GRID1: variants seen among roughly 807,000 people sequenced by gnomAD.
GRID1 encodes the protein glutamate ionotropic receptor delta type subunit 1.
GRID1 carries 28 observed loss-of-function variants against 98.0 expected under a neutral mutation model. The observed-to-expected ratio is 0.29, with a 90% confidence interval of 0.21 to 0.39. The LOEUF is 0.39. Ranked by LOEUF, GRID1 falls within the 10% of genes least tolerant of loss-of-function variation. The pLI is 1.00. For synonymous variants in GRID1, 553 were observed against 538.5 expected (o/e 1.03, Z -0.37); for missense variants, 1,111 against 1,340.5 (o/e 0.83, Z 2.67).
chr10:85,700,183 A>T (rs1459357453), intron 12 of GRID1, among the ~76,000 whole-genome samples: 1 of 152,206 alleles, frequency 6.6e-6, no homozygotes, highest in East Asian at 1.9e-4. Context: ...TGTGCCAGGT[A>T]ACTTTATAAA....
chr10:86,087,949 G>A (rs549901923), intron 4 of GRID1, among the ~76,000 whole-genome samples: 6 of 152,296 alleles, frequency 3.9e-5, no homozygotes, highest in African/African-American at 1.2e-4. Flanking sequence ...TGCAGAGCAC[G>A]TCCTACAGTC....
At chr10:86,073,550 C>T (rs562754452) in intron 4 of GRID1, among the ~76,000 whole-genome samples, 2 of 152,352 alleles carry the variant, frequency 1.3e-5, no homozygotes, top group South Asian at 4.1e-4. Flanking sequence ...TTTCTTGCCT[C>T]CTGCTGGAAT....
At chr10:86,076,424 C>G (rs1383478384) in intron 4 of GRID1, among the ~76,000 whole-genome samples, 1 of 152,228 alleles carries the variant, frequency 6.6e-6, no homozygotes, top group African/African-American at 2.4e-5. Flanking sequence ...AGCTGCTGCT[C>G]TCAGCAACAG....
At chr10:86,200,325 G>T (rs940882988) in intron 3 of GRID1, among the ~76,000 whole-genome samples, 1 of 152,176 alleles carries the variant, frequency 6.6e-6, no homozygotes, top group Admixed American at 6.5e-5. Context: ...CTTGCCATAG[G>T]CTGCACTGAA....
intron 8 of GRID1, among the ~76,000 whole-genome samples, chr10:85,732,480 C>T (rs1335138925): frequency 6.6e-6 from 1 of 152,136 alleles, no homozygotes; most frequent in African/African-American, 2.4e-5. Context: ...CAAGGCTTTA[C>T]CTGTCTTTCT....
intron 3 of GRID1, among the ~76,000 whole-genome samples, chr10:86,179,016 T>C (rs1845616726): frequency 1.3e-5 from 2 of 151,988 alleles, no homozygotes; most frequent in South Asian, 4.2e-4. Flanking sequence ...CCATCCCAGG[T>C]CCCAGCCTAG....
chr10:85,945,021 G>A (rs186879764), intron 4 of GRID1, among the ~76,000 whole-genome samples: 1 of 152,244 alleles, frequency 6.6e-6, no homozygotes, highest in Non-Finnish European at 1.5e-5. Context: ...AGAAATAAAG[G>A]TTAACTCATG....
chr10:85,681,681 C>T (rs1156293361), intron 12 of GRID1, among the ~76,000 whole-genome samples: 1 of 152,134 alleles, frequency 6.6e-6, no homozygotes, highest in Admixed American at 6.5e-5. Flanking sequence ...GTAATTATTC[C>T]CTCCACACCA....
intron 4 of GRID1, among the ~76,000 whole-genome samples, chr10:85,930,011 A>G (rs1841826908): frequency 6.6e-6 from 1 of 152,172 alleles, no homozygotes; most frequent in Non-Finnish European, 1.5e-5. Context: ...TATTGACTCC[A>G]TTATGGTTAT....
chr10:86,306,683 G>T (rs903731124), intron 2 of GRID1, among the ~76,000 whole-genome samples: 1 of 152,196 alleles, frequency 6.6e-6, no homozygotes, highest in Non-Finnish European at 1.5e-5. Flanking sequence ...GGGGGAAGAA[G>T]GAGGTCCAGC....
chr10:85,663,068 C>G (rs1037814886), intron 12 of GRID1, among the ~76,000 whole-genome samples: 1 of 152,156 alleles, frequency 6.6e-6, no homozygotes, highest in Admixed American at 6.5e-5. Context: ...TCTTGGGGAA[C>G]ACATCACTAC....
At chr10:86,095,747 C>G (rs974229457) in intron 4 of GRID1, among the ~76,000 whole-genome samples, 1 of 152,196 alleles carries the variant, frequency 6.6e-6, no homozygotes, top group Non-Finnish European at 1.5e-5. Context: ...ACAGGGAACA[C>G]TTCCACACTG....
chr10:86,189,325 G>A (rs539778419), intron 3 of GRID1, among the ~76,000 whole-genome samples: 1 of 151,856 alleles, frequency 6.6e-6, no homozygotes, highest in African/African-American at 2.4e-5. Flanking sequence ...CTAACTAGTC[G>A]GCTTCCAACT....
intron 4 of GRID1, among the ~76,000 whole-genome samples, chr10:86,113,786 T>G (rs1844528002): frequency 6.6e-6 from 1 of 152,104 alleles, no homozygotes; most frequent in East Asian, 1.9e-4. Context: ...CATGCATCTA[T>G]CTTCAGATAA....
At position 86,239,346 on chromosome 10, in the gene GRID1, C is replaced by T. The variant is rs371615962; in HGVS notation, c.236-32698G>A. Among the ~76,000 whole-genome samples, 19 of 152,332 alleles carry T rather than the reference C, an allele frequency of 1.2e-4. No individual in the cohort carries two copies. The East Asian group carries it at 3.5e-3, about 28-fold the overall frequency. On this transcript the variant is annotated intron_variant, in intron 2 of 15. Coordinates refer to ENST00000327946, the MANE Select transcript of GRID1 (RefSeq NM_017551.3). ...TTGGAAGTCACTAACTGGTTTTGAG[C>T]TTGCAGGCTCATAGGCAGAAGGTAC...
chr10:85,629,785 T>C (rs1198850307), intron 13 of GRID1, among the ~76,000 whole-genome samples: 1 of 152,216 alleles, frequency 6.6e-6, no homozygotes, highest in African/African-American at 2.4e-5. Flanking sequence ...GAAATCTACA[T>C]ACTGTTTTCC....
intron 2 of GRID1, 59 bp downstream of exon 2, chr10:86,363,882 A>T: frequency 6.8e-7 from 1 of 1,468,306 alleles, no homozygotes; most frequent in Non-Finnish European, 9.4e-7. Flanking sequence ...TCCGGTGCCC[A>T]CTGCTGCGAC....
At chr10:86,231,571 G>C (rs1846454005) in intron 2 of GRID1, among the ~76,000 whole-genome samples, 1 of 152,196 alleles carries the variant, frequency 6.6e-6, no homozygotes, top group African/African-American at 2.4e-5. Context: ...GACAGCAAAA[G>C]CTTTGGATGA....
chr10:85,900,120 T>C (rs1432950691), intron 5 of GRID1, among the ~76,000 whole-genome samples: 2 of 152,208 alleles, frequency 1.3e-5, no homozygotes, highest in Non-Finnish European at 2.9e-5. Flanking sequence ...TGGTTTGAAC[T>C]ATCTCCTGCC....
Sources: allele counts gnomAD v4.1 joint callset (sites outside exome capture counted in the v4.1 genomes callset), GRCh38; gene constraint gnomAD v4.1.1; transcripts MANE v1.5; gene names NCBI Gene and HGNC (gene_info 2026-07-23, HGNC 2026-07-21).